The following RPN2 variants were observed in gnomAD, a reference collection of about 807,000 sequenced individuals.
RPN2 encodes dolichyl-diphosphooligosaccharide--protein glycosyltransferase subunit 2.
Under a neutral mutation model 71.4 loss-of-function variants are expected in RPN2, and 29 were observed. The ratio of observed to expected loss-of-function variants is 0.41; its 90% confidence interval spans 0.30 to 0.55. The LOEUF (loss-of-function observed/expected upper bound fraction) is 0.55, where lower values mean the gene tolerates loss of function less well. Among genes scored for constraint, RPN2 ranks in the 20% least tolerant of loss-of-function variants. RPN2 has a pLI of 0.35. For synonymous variants in RPN2, 308 were observed against 305.0 expected (o/e 1.01, Z -0.10); for missense variants, 726 against 774.1 (o/e 0.94, Z 0.74).
chr20:37,189,526 C>A (rs764959399), intron 2 of RPN2, among the ~76,000 whole-genome samples: 9 of 152,156 alleles, frequency 5.9e-5, no homozygotes, highest in Non-Finnish European at 8.8e-5. Context: ...CAAATTTTTT[C>A]CTGACAACCA....
chr20:37,193,834 A>G (rs999377507), intron 2 of RPN2, among the ~76,000 whole-genome samples: 22 of 152,112 alleles, frequency 1.4e-4, no homozygotes, highest in African/African-American at 4.8e-4. Flanking sequence ...TCTGGGCTGG[A>G]GGTACGGGTC....
chr20:37,192,298 A>G (rs758666902), intron 2 of RPN2, among the ~76,000 whole-genome samples: 10 of 152,202 alleles, frequency 6.6e-5, no homozygotes, highest in Non-Finnish European at 1.5e-4. Context: ...TCACGCAGTA[A>G]TCATTTATGG....
chr20:37,207,365 G>T lies in RPN2; in HGVS notation c.783G>T (p.Val261=). The T allele has an allele frequency of 6.2e-7, 1 of 1,614,144 alleles. No individual in the cohort carries two copies. The highest frequency in any genetic ancestry group is 1.1e-5 in the South Asian group (1 of 91,080). Residue 261 remains valine (V), a synonymous_variant, in exon 7 of 17, where the codon GTG becomes GTT. Transcript: ENST00000237530. ...TCAGCGTGGCCTCTGCAGCTGCTGT[G>T]CTCTCGCATAATCGCTACCACGTGC... ...EAFSVASAAA[V]LSHNRYHVPV...
Position 37,234,007 on chromosome 20 carries a change from C to T in RPN2, c.1678-13C>T. 6.2e-7 allele frequency: 1 copy of T among 1,613,894 alleles called. No individual in the cohort carries two copies. On this transcript the variant is annotated splice_polypyrimidine_tract_variant and intron_variant, in intron 14 of 16. Coordinates refer to ENST00000237530, the MANE Select transcript of RPN2 (RefSeq NM_002951.5). The stretch of plus-strand genomic sequence containing the variant: ...TCTAATGCCTTTTTAATTTATTTCT[C>T]CCCATCATTCAGTGGATCCGGATTG...
At chr20:37,183,124 G>T (rs1338479066) in intron 1 of RPN2, among the ~76,000 whole-genome samples, 2 of 152,080 alleles carry the variant, frequency 1.3e-5, no homozygotes, top group Non-Finnish European at 2.9e-5. Flanking sequence ...AGTACAGATT[G>T]CTATGAGTGG....
At chr20:37,212,156 A>G (rs1234053647) in intron 8 of RPN2, among the ~76,000 whole-genome samples, 1 of 152,080 alleles carries the variant, frequency 6.6e-6, no homozygotes, top group Non-Finnish European at 1.5e-5. Context: ...TGGCTTGCCT[A>G]TAGTTCCAGC....
chr20:37,187,788 G>A (rs957935492), intron 2 of RPN2, among the ~76,000 whole-genome samples: 9 of 151,668 alleles, frequency 5.9e-5, no homozygotes, highest in Admixed American at 2.0e-4. Flanking sequence ...TTACAGACGC[G>A]CACCACCATG....
intron 5 of RPN2, 23 bp downstream of exon 5, chr20:37,203,983 A>G (rs1220016725): frequency 3.9e-6 from 6 of 1,554,350 alleles, no homozygotes. Flanking sequence ...TGCCAAATGC[A>G]TCTCCCAGCT....
chr20:37,231,248 A>T (rs2068235140), intron 13 of RPN2, among the ~76,000 whole-genome samples: 1 of 151,992 alleles, frequency 6.6e-6, no homozygotes, highest in South Asian at 2.1e-4. Flanking sequence ...ACACAGCCAT[A>T]CGTTTCAGTT....
At chr20:37,208,277 A>G (rs905023410) in intron 7 of RPN2, among the ~76,000 whole-genome samples, 6 of 152,068 alleles carry the variant, frequency 3.9e-5, no homozygotes, top group African/African-American at 1.2e-4. Flanking sequence ...TAAAAAAAAA[A>G]AAAAAAAAAT....
At chr20:37,212,102 G>A (rs958325989) in intron 8 of RPN2, among the ~76,000 whole-genome samples, 1 of 151,996 alleles carries the variant, frequency 6.6e-6, no homozygotes, top group Non-Finnish European at 1.5e-5. Context: ...GCATATTATT[G>A]CTATGTAATT....
intron 9 of RPN2, among the ~76,000 whole-genome samples, chr20:37,217,447 C>T (rs1321114670): frequency 6.6e-6 from 1 of 152,010 alleles, no homozygotes; most frequent in Admixed American, 6.6e-5. Flanking sequence ...CACGCGCCAC[C>T]ATGCCCAGCT....
Position 37,198,416 on chromosome 20 carries a change from G to T in RPN2, c.227G>T (p.Arg76Ile). ...GTGTAGAAAGCATGTACCTACATCA[G>T]ATCTAACCTTGATCCCAGCAATGTG... ...PDAKKACTYIRSNLDPSNVDS... is the reference protein window; with the variant it reads ...PDAKKACTYIISNLDPSNVDS... The change falls in exon 3 of 17, where the codon AGA (arginine) becomes ATA (isoleucine). Residue 76 changes from arginine (R) to isoleucine (I), a missense_variant. Physicochemically the swap from Arg to Ile is moderately conservative, Grantham distance 97. Transcript: ENST00000237530. The T allele has an allele frequency of 6.2e-7, 1 of 1,614,208 alleles. No individual in the cohort carries two copies.
intron 9 of RPN2, among the ~76,000 whole-genome samples, chr20:37,221,640 G>T (rs2067961177): frequency 6.6e-6 from 1 of 152,236 alleles, no homozygotes; most frequent in South Asian, 2.1e-4. Flanking sequence ...GAGTTCTTAA[G>T]AGAATGAGTT....
At chr20:37,221,190 C>G (rs1171561960) in intron 9 of RPN2, among the ~76,000 whole-genome samples, 1 of 148,228 alleles carries the variant, frequency 6.7e-6, no homozygotes, top group Non-Finnish European at 1.5e-5. Context: ...AGACTTTACA[C>G]AATTCTTTTT....
chr20:37,222,456 A>T lies in RPN2; in HGVS notation c.1093-1422A>T, dbSNP rs944960812. Among the ~76,000 whole-genome samples the T allele has an allele frequency of 9.2e-5, 14 of 152,302 alleles. No homozygotes were observed. In the East Asian group the frequency reaches 2.7e-3, roughly 29 times the overall value. On this transcript the variant is annotated intron_variant, in intron 9 of 16. Coordinates refer to ENST00000237530, the MANE Select transcript of RPN2 (RefSeq NM_002951.5). The stretch of plus-strand genomic sequence containing the variant: ...CAACATGATAATTGAGGCTGTTGTC[A>T]TAAAATAGTTATTACAGAGGCAGGA...
intron 12 of RPN2, 73 bp downstream of exon 12, chr20:37,228,817 G>C: frequency 7.0e-7 from 1 of 1,425,814 alleles, no homozygotes; most frequent in South Asian, 1.2e-5. Flanking sequence ...TTTTTCAGGG[G>C]CATGGGGCTC....
intron 2 of RPN2, among the ~76,000 whole-genome samples, chr20:37,197,790 G>T (rs923969616): frequency 6.6e-6 from 1 of 151,956 alleles, no homozygotes; most frequent in South Asian, 2.1e-4. Flanking sequence ...TGGAGATGGG[G>T]TCTTACCATG....
intron 2 of RPN2, among the ~76,000 whole-genome samples, chr20:37,187,909 C>T (rs1361921077): frequency 6.6e-6 from 1 of 152,164 alleles, no homozygotes; most frequent in Non-Finnish European, 1.5e-5. Context: ...TCCCAAAATG[C>T]TGGGATTACA....
Sources: allele counts gnomAD v4.1 joint callset (sites outside exome capture counted in the v4.1 genomes callset), GRCh38; gene constraint gnomAD v4.1.1; transcripts MANE v1.5; gene names NCBI Gene and HGNC (gene_info 2026-07-23, HGNC 2026-07-21).